The following CIAO2B variants were observed in gnomAD, a reference collection of about 807,000 sequenced individuals.
CIAO2B encodes the protein MSS19-interacting protein of 18 kDa.
Under a neutral mutation model 16.4 loss-of-function variants are expected in CIAO2B, and 20 were observed. The ratio of observed to expected loss-of-function variants is 1.22; its 90% CI spans 0.86 to 1.77. The LOEUF (loss-of-function observed/expected upper bound fraction) is 1.77, where lower values mean the gene tolerates loss of function less well. CIAO2B is among the 40% of genes most tolerant of loss of function. The pLI is 0.00. For missense variants in CIAO2B, 215 were observed against 222.4 expected, an observed-to-expected ratio of 0.97 and a Z score of 0.21; for synonymous variants, 106 against 90.4, an observed-to-expected ratio of 1.17 and a Z score of -0.98.
chr16:66,933,324 C>A, intron 3 of CIAO2B: 1 of 419,210 alleles, frequency 2.4e-6, no homozygotes, highest in East Asian at 4.7e-5. Flanking sequence ...AACTGGCCCA[C>A]TACTGTTGAT....
At chr16:66,933,543 C>T in intron 3 of CIAO2B, 71 bp downstream of exon 3, 1 of 1,559,220 alleles carries the variant, frequency 6.4e-7, no homozygotes, top group Non-Finnish European at 8.7e-7. Context: ...TGTTCATGCT[C>T]TCCCAGTCCC....
chr16:66,932,355 A>C, intron 4 of CIAO2B, 55 bp from the exon 5 acceptor site: 5 of 1,434,082 alleles, frequency 3.5e-6, no homozygotes, highest in Non-Finnish European at 4.9e-6. Flanking sequence ...CTCTGGCCAG[A>C]GTGCTAGCCA....
chr16:66,933,923 C>T, intron 2 of CIAO2B, 64 bp downstream of exon 2: 1 of 1,596,318 alleles, frequency 6.3e-7, no homozygotes, highest in South Asian at 1.1e-5. Flanking sequence ...AGCACGCCAG[C>T]TCCTGCTGCA....
In CIAO2B at chr16:66,934,131, C is replaced by A. The variant is rs1211631054; in HGVS notation, c.143-65G>T. The A allele has an allele frequency of 1.2e-5, 20 of 1,611,492 alleles. No homozygotes were observed. The East Asian group carries it at 3.6e-4, about 29-fold the overall frequency. ...CTTAGAACCCTCTGCCAGGAACGCC[C>A]TGCTGGGATGCGGCTCCACCAGCTG... is the stretch of plus-strand genomic sequence containing the variant. On this transcript the variant is annotated intron_variant, in intron 1 of 4. Transcript: ENST00000422424. The surrounding 1 kb of genome is among the most constrained non-coding windows in gnomAD (Gnocchi z 4.1).
chr16:66,932,880 C>T (rs1963086149), intron 3 of CIAO2B, 55 bp from the exon 4 acceptor site: 3 of 1,588,552 alleles, frequency 1.9e-6, no homozygotes, highest in African/African-American at 2.7e-5. Flanking sequence ...ACACTTTTCC[C>T]TGCAGCCCCC....
rs1180804388 is a variant in CIAO2B, at chr16:66,934,263, G to A, written c.102C>T (p.Asp34=). The A allele has an allele frequency of 6.2e-7, 1 of 1,609,096 alleles. No individual in the cohort carries two copies. The highest frequency in any genetic ancestry group is 8.5e-7 in the Non-Finnish European group (1 of 1,179,600). ...CGTCGATGCTGTCGGGAACCTGCTC[G>A]TCCTCCTCGCCTGCCGTCACAGGCC... ...GERPVTAGEE[D]EQVPDSIDAR... is the part of the protein sequence containing the mutation. The change falls in exon 1 of 5, where the codon GAC becomes GAT. Residue 34 remains aspartate, a synonymous_variant. Coordinates refer to ENST00000422424, the MANE Select transcript of CIAO2B (RefSeq NM_016062.4). This position sits in a 1 kb window ranked among gnomAD's most constrained non-coding sequence, Gnocchi z 4.1.
Position 66,934,125 on chromosome 16 carries a change from A to C in CIAO2B, c.143-59T>G. On this transcript the variant is annotated intron_variant, in intron 1 of 4. Transcript: ENST00000422424. The surrounding 1 kb of genome is among the most constrained non-coding windows in gnomAD (Gnocchi z 4.1). The stretch of plus-strand genomic sequence containing the variant: ...TGCCCACTTAGAACCCTCTGCCAGG[A>C]ACGCCCTGCTGGGATGCGGCTCCAC... 6.2e-7 allele frequency: 1 copy of C among 1,611,846 alleles called. No individual in the cohort carries two copies. Among genetic ancestry groups the C allele is most frequent in the Non-Finnish European group, 8.5e-7 (1 of 1,179,166 alleles).
At chr16:66,932,900 G>A (rs1963086823) in intron 3 of CIAO2B, 75 bp from the exon 4 acceptor site, 3 of 1,509,314 alleles carry the variant, frequency 2.0e-6, no homozygotes, top group African/African-American at 2.8e-5. Context: ...CAGACCCTCA[G>A]GCACCATCTC....
In CIAO2B at chr16:66,932,801, T is replaced by C; in HGVS notation, c.373A>G (p.Thr125Ala). 6.2e-7 allele frequency: 1 copy of C among 1,611,774 alleles called. No individual in the cohort carries two copies. Among genetic ancestry groups the C allele is most frequent in the Non-Finnish European group, 8.5e-7 (1 of 1,179,008 alleles). ...TTACCTGCATGCTCTGAGGCATGGG[T>C]CCCCGGAGTAATGTGCACGTCCATC... ...FKMDVHITPG[T>A]HASEHAVNKQ... Residue 125 changes from threonine (T) to alanine (A), a missense_variant, in exon 4 of 5, where the codon ACC becomes GCC. Thr to Ala is a moderately conservative substitution (Grantham distance 58). Coordinates refer to ENST00000422424, the MANE Select transcript of CIAO2B (RefSeq NM_016062.4).
chr16:66,932,992 CT>C lies in CIAO2B; in HGVS notation c.349-168del, dbSNP rs111256855. ...AAACCCATCCACAGGTATTCCAATT[CT>C]TTTTTTTTTTCCAAGACTGAGTCTT... is the stretch of plus-strand genomic sequence containing the variant. On this transcript the variant is annotated intron_variant, in intron 3 of 4. Transcript: ENST00000422424. Among the ~76,000 whole-genome samples, 508 of 147,850 alleles carry C rather than the reference CT, an allele frequency of 3.4e-3. 3 individuals are homozygous for C. The highest frequency in any genetic ancestry group is 5.3e-3 in the Admixed American group (79 of 14,794).
chr16:66,932,588 C>CA (rs1367517571), intron 4 of CIAO2B, 192 bp downstream of exon 4: 1 of 750,758 alleles, frequency 1.3e-6, no homozygotes, highest in Admixed American at 2.0e-5. Flanking sequence ...GAGAAGAGGA[C>CA]ATGGTAAGCA....
chr16:66,933,597 G>C lies in CIAO2B; in HGVS notation c.348+17C>G. On this transcript the variant is annotated intron_variant, in intron 3 of 4. Coordinates refer to ENST00000422424, the MANE Select transcript of CIAO2B (RefSeq NM_016062.4). ...CTCAATGCCTGGTCTCACTCCCGGG[G>C]CTCAGCTCCAACTGACCTTGAAACG... The C allele has an allele frequency of 1.2e-6, 2 of 1,607,606 alleles. No homozygotes were observed. The highest frequency in any genetic ancestry group is 1.7e-6 in the Non-Finnish European group (2 of 1,177,372).
intron 4 of CIAO2B, chr16:66,932,555 A>G (rs761701708): frequency 1.4e-5 from 10 of 723,936 alleles, no homozygotes; most frequent in Non-Finnish European, 2.0e-5. Flanking sequence ...CTGGTCCTGT[A>G]TATTTGGTGA....
chr16:66,933,146 GC>G (rs750623298), intron 3 of CIAO2B, among the ~76,000 whole-genome samples: 8 of 151,932 alleles, frequency 5.3e-5, no homozygotes, highest in Non-Finnish European at 1.0e-4. Context: ...ACACCACCAC[GC>G]CCCACTAATT....
Position 66,934,143 on chromosome 16 carries a change from G to T in CIAO2B, c.143-77C>A, listed in dbSNP as rs920464951. 2.8e-5 allele frequency: 45 copies of T among 1,611,062 alleles called. No homozygotes were observed. The highest frequency in any genetic ancestry group is 3.8e-5 in the Non-Finnish European group (45 of 1,178,874). ...TGCCAGGAACGCCCTGCTGGGATGC[G>T]GCTCCACCAGCTGCTCGATATCACT... is the stretch of plus-strand genomic sequence containing the variant. On this transcript the variant is annotated intron_variant, in intron 1 of 4. Coordinates refer to ENST00000422424, the MANE Select transcript of CIAO2B (RefSeq NM_016062.4). This position sits in a 1 kb window ranked among gnomAD's most constrained non-coding sequence, Gnocchi z 4.1.
rs781566549 is a variant in CIAO2B at position 66,933,566 on chromosome 16, T to C, written c.348+48A>G. ...CTCTCCCAGTCCCCATCCTCAGCAG[T>C]AGACCCTCAATGCCTGGTCTCACTC... On this transcript the variant is annotated intron_variant, in intron 3 of 4. Transcript: ENST00000422424. 5 of 1,596,232 alleles carry C rather than the reference T, an allele frequency of 3.1e-6. 1 individual carries two copies. In the South Asian group the frequency reaches 4.5e-5, roughly 14 times the overall value.
At position 66,932,790 on chromosome 16, in the gene CIAO2B, T is replaced by C; in HGVS notation, c.384A>G (p.Ser128=). ...DVHITPGTHA[S]EHAVNKQLAD... is the part of the protein sequence containing the mutation. ...CCAGTCCACACTTACCTGCATGCTC[T>C]GAGGCATGGGTCCCCGGAGTAATGT... The change falls in exon 4 of 5, where the codon TCA becomes TCG. Residue 128 remains serine, a synonymous_variant. Coordinates refer to ENST00000422424, the MANE Select transcript of CIAO2B (RefSeq NM_016062.4). 6.2e-7 allele frequency: 1 copy of C among 1,611,526 alleles called. No homozygotes were observed. The highest frequency in any genetic ancestry group is 8.5e-7 in the Non-Finnish European group (1 of 1,178,894).
chr16:66,932,070 AT>A lies in CIAO2B; in HGVS notation c.*132del. The A allele has an allele frequency of 3.2e-6, 2 of 632,432 alleles. No individual in the cohort carries two copies. Among genetic ancestry groups the A allele is most frequent in the Non-Finnish European group, 5.4e-6 (2 of 372,074 alleles). 39.2% of individuals were successfully genotyped at this position (632,432 alleles called of 1,614,324 possible). ...CACCAAGGCATGCTGGGAACTGAAT[AT>A]AAATTAACTTTATTACAAAAAGCAA... On this transcript the variant is annotated 3_prime_UTR_variant, in exon 5 of 5. Coordinates refer to ENST00000422424, the MANE Select transcript of CIAO2B (RefSeq NM_016062.4).
chr16:66,932,160 G>T lies in CIAO2B; in HGVS notation c.*43C>A. 6.9e-7 allele frequency: 1 copy of T among 1,453,814 alleles called. No individual in the cohort carries two copies. The highest frequency in any genetic ancestry group is 9.5e-7 in the Non-Finnish European group (1 of 1,048,326). The allele number at this position is 1,453,814 out of a possible 1,614,324, so 90.1% of individuals were successfully genotyped here. On this transcript the variant is annotated 3_prime_UTR_variant, in exon 5 of 5. Coordinates refer to ENST00000422424, the MANE Select transcript of CIAO2B (RefSeq NM_016062.4). ...CGGTAACAGCCCTGGCAGGAGCTGGGACCAGGATACCAGTATGCAGGCTGA... is the reference window on the plus strand; with the variant it reads ...CGGTAACAGCCCTGGCAGGAGCTGGTACCAGGATACCAGTATGCAGGCTGA...
Sources: gnomAD v4.1 joint callset for allele counts (sites outside exome capture counted in the v4.1 genomes callset) on GRCh38, gnomAD v4.1.1 for gene constraint, Gnocchi (gnomAD v3.1) non-coding constraint, MANE v1.5 for transcripts, NCBI Gene and HGNC (gene_info 2026-07-23, HGNC 2026-07-21) for gene names.